ZC3H12C: variants seen among roughly 807,000 people sequenced by gnomAD.
The protein encoded by ZC3H12C is probable ribonuclease ZC3H12C.
Under a neutral mutation model 76.3 loss-of-function variants are expected in ZC3H12C, and 20 were observed. The observed-to-expected ratio is 0.26, with a 90% confidence interval of 0.18 to 0.38. The LOEUF (loss-of-function observed/expected upper bound fraction) is 0.38. Ranked by LOEUF, ZC3H12C falls within the 10% of genes least tolerant of loss-of-function variation. The pLI is 1.00. For missense variants in ZC3H12C, 874 were observed against 1,086.5 expected, an observed-to-expected ratio of 0.80 and a Z score of 2.75; for synonymous variants, 352 against 399.6, an observed-to-expected ratio of 0.88 and a Z score of 1.42.
chr11:110,146,073 G>A (rs528659127), intron 2 of ZC3H12C, among the ~76,000 whole-genome samples: 2 of 152,186 alleles, frequency 1.3e-5, no homozygotes, highest in Admixed American at 6.5e-5. Context: ...TGCAAGCTCC[G>A]CCTCCCGGGT....
intron 1 of ZC3H12C, among the ~76,000 whole-genome samples, chr11:110,108,216 A>T (rs921514207): frequency 6.6e-6 from 1 of 152,062 alleles, no homozygotes; most frequent in Non-Finnish European, 1.5e-5. Context: ...TCGGCCTCCT[A>T]AAGTGTTGTG....
At chr11:110,149,330 A>G (rs76744270) in intron 2 of ZC3H12C, among the ~76,000 whole-genome samples, 2 of 152,312 alleles carry the variant, frequency 1.3e-5, no homozygotes, top group East Asian at 1.9e-4. Context: ...CTTGCCCCCA[A>G]GTGCCATCTA....
chr11:110,111,199 CA>C (rs1476086733), intron 1 of ZC3H12C, among the ~76,000 whole-genome samples: 1 of 152,116 alleles, frequency 6.6e-6, no homozygotes, highest in East Asian at 1.9e-4. Flanking sequence ...CTCACGATAA[CA>C]GGTAGATCAT....
chr11:110,170,744 T>C lies in ZC3H12C; in HGVS notation c.*5007T>C, dbSNP rs1862663307. The C allele has an allele frequency of 6.6e-6, 1 of 152,244 alleles. No individual in the cohort carries two copies. Among genetic ancestry groups the C allele is most frequent in the Non-Finnish European group, 1.5e-5 (1 of 68,028 alleles). 9.4% of individuals were successfully genotyped at this position (152,244 alleles called of 1,614,324 possible). ...TTTATACCGGGTGTTGCATCAGTAATCATTTTCATAAGAACATTTAAACAG... is the reference window on the plus strand; with the variant it reads ...TTTATACCGGGTGTTGCATCAGTAACCATTTTCATAAGAACATTTAAACAG... On this transcript the variant is annotated 3_prime_UTR_variant, in exon 6 of 6. Transcript: ENST00000278590.
Position 110,123,687 on chromosome 11 carries a change from G to A in ZC3H12C, c.22-12976G>A. On this transcript the variant is annotated intron_variant, in intron 1 of 5. Coordinates refer to ENST00000278590, the MANE Select transcript of ZC3H12C (RefSeq NM_033390.2). ...GTGTTAGACAAGTGGTCTGATTAGA[G>A]TTAATTCATACAGTTTTTATTACCC... is the stretch of plus-strand genomic sequence containing the variant. 1.3e-5 allele frequency among the ~76,000 whole-genome samples: 2 copies of A among 152,156 alleles called. 1 individual carries two copies. Among genetic ancestry groups the A allele is most frequent in the Admixed American group, 1.3e-4 (2 of 15,274 alleles).
At chr11:110,161,207 C>T (rs748246641) in intron 4 of ZC3H12C, among the ~76,000 whole-genome samples, 3 of 152,126 alleles carry the variant, frequency 2.0e-5, no homozygotes, top group Non-Finnish European at 2.9e-5. Flanking sequence ...CACTTTTATA[C>T]GACTGGGGGC....
intron 2 of ZC3H12C, among the ~76,000 whole-genome samples, chr11:110,148,088 A>G (rs630384): frequency 0.75 from 114,473 of 152,092 alleles, 43,295 homozygotes; most frequent in East Asian, 0.9. Context: ...AGAACCTGGA[A>G]GAAGAGAAAG....
chr11:110,095,135 C>T (rs998536033), intron 1 of ZC3H12C, among the ~76,000 whole-genome samples: 1 of 152,106 alleles, frequency 6.6e-6, no homozygotes, highest in Non-Finnish European at 1.5e-5. Flanking sequence ...TTTTATTAGT[C>T]ACTTCCTTTT....
At chr11:110,139,252 G>T (rs1862026048) in intron 2 of ZC3H12C, among the ~76,000 whole-genome samples, 1 of 138,552 alleles carries the variant, frequency 7.2e-6, no homozygotes. Context: ...AAGACAAAAT[G>T]GAATTCAAAC....
At position 110,116,817 on chromosome 11, in the gene ZC3H12C, C is replaced by A. The variant is rs1861535218; in HGVS notation, c.22-19846C>A. ...TTTTATATTTGAGGAAAATGAGACA[C>A]AGAGAGGTTAAGTAACTTGTGCAGG... On this transcript the variant is annotated intron_variant, in intron 1 of 5. Coordinates refer to ENST00000278590, the MANE Select transcript of ZC3H12C (RefSeq NM_033390.2). Among the ~76,000 whole-genome samples the A allele has an allele frequency of 2.6e-5, 4 of 152,254 alleles. No individual in the cohort carries two copies. In the South Asian group the frequency reaches 8.3e-4, roughly 32 times the overall value.
At chr11:110,143,132 A>G (rs1446610632) in intron 2 of ZC3H12C, among the ~76,000 whole-genome samples, 3 of 152,194 alleles carry the variant, frequency 2.0e-5, no homozygotes, top group African/African-American at 7.2e-5. Flanking sequence ...CAAAAGAAAA[A>G]ACTCCAGATC....
At chr11:110,110,506 T>C (rs1203493293) in intron 1 of ZC3H12C, among the ~76,000 whole-genome samples, 4 of 152,154 alleles carry the variant, frequency 2.6e-5, no homozygotes, top group African/African-American at 9.7e-5. Context: ...GAAATAATAA[T>C]TAACTCCTCT....
At chr11:110,160,130 A>C (rs1397494593) in intron 4 of ZC3H12C, among the ~76,000 whole-genome samples, 2 of 152,250 alleles carry the variant, frequency 1.3e-5, no homozygotes, top group Non-Finnish European at 2.9e-5. Flanking sequence ...TATACCATAA[A>C]ATATGGTATA....
chr11:110,126,812 T>C (rs1861756791), intron 1 of ZC3H12C, among the ~76,000 whole-genome samples: 1 of 152,210 alleles, frequency 6.6e-6, no homozygotes, highest in Non-Finnish European at 1.5e-5. Flanking sequence ...CCAATATTCA[T>C]ATTTTAATGA....
chr11:110,166,344 A>G lies in ZC3H12C; in HGVS notation c.*607A>G, dbSNP rs2134204712. Reference sequence around the variant, plus strand: ...CCAGTTTTATGTTGAAATGTGTTACAGTATATATATATTAGAATGATTTAC... The same window carrying G: ...CCAGTTTTATGTTGAAATGTGTTACGGTATATATATATTAGAATGATTTAC... On this transcript the variant is annotated 3_prime_UTR_variant, in exon 6 of 6. Transcript: ENST00000278590. The G allele has an allele frequency of 6.6e-6, 1 of 152,314 alleles. No homozygotes were observed. Among genetic ancestry groups the G allele is most frequent in the East Asian group, 1.9e-4 (1 of 5,206 alleles). 9.4% of individuals were successfully genotyped at this position (152,314 alleles called of 1,614,324 possible). A position where few individuals can be genotyped will look rare whatever the true frequency, so the allele number is the denominator to read the frequency against.
chr11:110,126,420 A>G (rs1341026223), intron 1 of ZC3H12C, among the ~76,000 whole-genome samples: 2 of 151,230 alleles, frequency 1.3e-5, no homozygotes, highest in South Asian at 2.1e-4. Flanking sequence ...GGATCTCCCT[A>G]TGTTGCCTGG....
intron 2 of ZC3H12C, among the ~76,000 whole-genome samples, chr11:110,148,245 C>A (rs1862206559): frequency 6.6e-6 from 1 of 152,192 alleles, no homozygotes; most frequent in South Asian, 2.1e-4. Flanking sequence ...GTAAATACAT[C>A]AATTTGTCTA....
rs564150412 is a variant in ZC3H12C, at chr11:110,170,716, T to C, written c.*4979T>C. 5.3e-5 allele frequency: 8 copies of C among 152,364 alleles called. No individual in the cohort carries two copies. The South Asian group carries it at 1.7e-3, about 32-fold the overall frequency. 9.4% of individuals were successfully genotyped at this position (152,364 alleles called of 1,614,324 possible). ...CGCTGCTGAGCATGTTTATTCACAG[T>C]GCTTTATACCGGGTGTTGCATCAGT... On this transcript the variant is annotated 3_prime_UTR_variant, in exon 6 of 6. Transcript: ENST00000278590.
At chr11:110,140,953 C>T (rs1318033958) in intron 2 of ZC3H12C, among the ~76,000 whole-genome samples, 1 of 152,146 alleles carries the variant, frequency 6.6e-6, no homozygotes, top group Admixed American at 6.6e-5. Context: ...AAGAGACCCA[C>T]TTATGTTTGA....
Sources: gnomAD v4.1 joint callset for allele counts (sites outside exome capture counted in the v4.1 genomes callset) on GRCh38, gnomAD v4.1.1 for gene constraint, MANE v1.5 for transcripts, NCBI Gene and HGNC (gene_info 2026-07-23, HGNC 2026-07-21) for gene names.